Variants in SYNE2 observed in about 807,000 individuals in gnomAD.
SYNE2 encodes spectrin repeat containing nuclear envelope protein 2.
A neutral mutation model predicts 856.3 loss-of-function variants in SYNE2; 431 were observed. The observed-to-expected ratio is 0.50, with a 90% CI of 0.47 to 0.55. The LOEUF is 0.55. Among genes scored for constraint, SYNE2 ranks in the 20% least tolerant of loss-of-function variants. The pLI is 0.00. For synonymous variants in SYNE2, 2,923 were observed against 2,872.3 expected (o/e 1.02, Z -0.56); for missense variants, 8,129 against 8,023.2 (o/e 1.01, Z -0.50).
chr14:63,894,290 G>A (rs2095205890), intron 1 of SYNE2, among the ~76,000 whole-genome samples: 3 of 151,090 alleles, frequency 2.0e-5, no homozygotes, highest in African/African-American at 7.3e-5. Context: ...ATAGCTCACT[G>A]CAGCCCTAAT....
At chr14:64,043,541 T>G (rs2153565559) in intron 45 of SYNE2, among the ~76,000 whole-genome samples, 1 of 152,078 alleles carries the variant, frequency 6.6e-6, no homozygotes, top group Non-Finnish European at 1.5e-5. Context: ...AGAGTCCTTT[T>G]GCTGTGTACA....
In SYNE2 at chr14:64,141,392, A is replaced by G. The variant is rs754937863; in HGVS notation, c.15028A>G (p.Ser5010Gly). The G allele has an allele frequency of 3.4e-5, 55 of 1,614,144 alleles. No homozygotes were observed. The highest frequency in any genetic ancestry group is 4.3e-5 in the Non-Finnish European group (51 of 1,179,990). Residue 5010 changes from serine to glycine, a missense_variant, in exon 81 of 116, where the codon AGT becomes GGT. Physicochemically the swap from Ser to Gly is moderately conservative, Grantham distance 56. This residue lies in a region of SYNE2 where 5,410 missense variants were observed against 5,284.8 expected (regional missense o/e 1.02). Coordinates refer to ENST00000555002, the MANE Select transcript of SYNE2 (RefSeq NM_182914.3). ...EKSSLKTAVI[S>G]IGNQLLHLKE... ...ATCCTCCTTGAAGACTGCCGTTATC[A>G]GTATCGGGAACCAGCTTCTTCACCT...
chr14:63,974,851 C>CGTGTGTGTGTGT (rs1566949091), intron 11 of SYNE2, among the ~76,000 whole-genome samples: 1 of 52,824 alleles, frequency 1.9e-5, no homozygotes, highest in East Asian at 6.1e-4. Flanking sequence ...TGTGTGTGTA[C>CGTGTGTGTGTGT]ATGTGTGTGT....
At chr14:63,978,744 G>T (rs753291945) in intron 13 of SYNE2, 108 bp from the exon 14 acceptor site, 159 of 910,880 alleles carry the variant, frequency 1.7e-4, no homozygotes, top group Non-Finnish European at 1.9e-4. Flanking sequence ...AGTTCCATGT[G>T]CTTAAAAGAA....
At chr14:63,916,956 A>G (rs531566054) in intron 2 of SYNE2, among the ~76,000 whole-genome samples, 1 of 152,062 alleles carries the variant, frequency 6.6e-6, no homozygotes, top group African/African-American at 2.4e-5. Context: ...TGGGCATGGC[A>G]ACATTCCCCT....
In SYNE2 at chr14:64,106,135, C is replaced by G. The variant is rs1035264833; in HGVS notation, c.12493-1356C>G. Among the ~76,000 whole-genome samples, 126 of 142,442 alleles carry G rather than the reference C, an allele frequency of 8.8e-4. 1 individual carries two copies. Among genetic ancestry groups the G allele is most frequent in the East Asian group, 8.1e-3 (38 of 4,692 alleles). 93.4% of individuals were successfully genotyped at this position (142,442 alleles called of 152,430 possible). On this transcript the variant is annotated intron_variant, in intron 64 of 115. Transcript: ENST00000555002. ...ATACATGGAATTGCATTTCCAGACC[C>G]CCCCCCCCAACCAACACACAAGCTG...
chr14:63,870,477 C>T (rs1035850138), intron 1 of SYNE2, among the ~76,000 whole-genome samples: 16 of 130,970 alleles, frequency 1.2e-4, no homozygotes, highest in Non-Finnish European at 3.2e-5. Context: ...TGATTCATTT[C>T]TGACTGTCCC....
intron 94 of SYNE2, among the ~76,000 whole-genome samples, chr14:64,171,357 G>A (rs992761187): frequency 1.3e-5 from 2 of 152,212 alleles, no homozygotes; most frequent in African/African-American, 4.8e-5. Context: ...GTATTCTGTG[G>A]ATGGAGAGAA....
At chr14:64,017,351 AAAG>A (rs1470353211) in intron 33 of SYNE2, among the ~76,000 whole-genome samples, 4 of 150,946 alleles carry the variant, frequency 2.6e-5, no homozygotes, top group Non-Finnish European at 5.9e-5. Context: ...AAAAAAAAAA[AAAG>A]AAATTAGGAA....
intron 45 of SYNE2, among the ~76,000 whole-genome samples, chr14:64,038,514 G>C (rs1359290647): frequency 2.0e-5 from 3 of 152,206 alleles, no homozygotes; most frequent in Non-Finnish European, 2.9e-5. Flanking sequence ...AGGTTGTAGC[G>C]AGCCGAGATC....
At chr14:63,991,775 T>G (rs2096668439) in intron 21 of SYNE2, among the ~76,000 whole-genome samples, 1 of 152,126 alleles carries the variant, frequency 6.6e-6, no homozygotes, top group Non-Finnish European at 1.5e-5. Context: ...GAGTAATACT[T>G]TTTTTCATTC....
intron 1 of SYNE2, among the ~76,000 whole-genome samples, chr14:63,886,199 A>G (rs1305197472): frequency 6.6e-6 from 1 of 152,236 alleles, no homozygotes; most frequent in Admixed American, 6.5e-5. Flanking sequence ...AAAAACATAC[A>G]TACAGGGAAA....
intron 57 of SYNE2, chr14:64,084,758 A>G (rs1034549811): frequency 2.0e-6 from 1 of 510,998 alleles, no homozygotes; most frequent in Non-Finnish European, 3.5e-6. Context: ...CAAACTTATT[A>G]TCACAGTTTC....
At chr14:64,038,703 C>G (rs184870144) in intron 45 of SYNE2, among the ~76,000 whole-genome samples, 1 of 152,242 alleles carries the variant, frequency 6.6e-6, no homozygotes, top group Non-Finnish European at 1.5e-5. Flanking sequence ...ACCAGTCAGG[C>G]GTGGCGGCGG....
At chr14:63,832,866 C>CA (rs36099684) in intron 1 of SYNE2, among the ~76,000 whole-genome samples, 27,339 of 64,450 alleles carry the variant, frequency 0.42, 6,203 homozygotes, top group Non-Finnish European at 0.5. Flanking sequence ...CTGTCTCTAC[C>CA]AAAAAAAAAA....
At position 64,052,309 on chromosome 14, in the gene SYNE2, A is replaced by G. The variant is rs746381574; in HGVS notation, c.8396A>G (p.Tyr2799Cys). Residue 2799 changes from tyrosine (Y) to cysteine (C), a missense_variant, in exon 48 of 116, where the codon TAT becomes TGT. By Grantham distance (194) the Tyr-to-Cys change is radical. This residue lies in a region of SYNE2 where 5,410 missense variants were observed against 5,284.8 expected (regional missense o/e 1.02). Transcript: ENST00000555002. ...GATAAGGTTCCTAGCCTTACAACCTATGAGGGCAGTGATTTAAATAATACC... is the reference window on the plus strand; with the variant it reads ...GATAAGGTTCCTAGCCTTACAACCTGTGAGGGCAGTGATTTAAATAATACC... The part of the protein sequence containing the change: ...VKDKVPSLTT[Y>C]EGSDLNNTLE... The G allele has an allele frequency of 3.1e-5, 50 of 1,614,092 alleles. No homozygotes were observed. The East Asian group carries it at 1.1e-3, about 35-fold the overall frequency.
At position 63,976,685 on chromosome 14, in the gene SYNE2, T is replaced by C. The variant is rs2096545930; in HGVS notation, c.1251T>C (p.Ser417=). The C allele has an allele frequency of 1.2e-6, 2 of 1,613,300 alleles. No individual in the cohort carries two copies. The highest frequency in any genetic ancestry group is 2.7e-5 in the African/African-American group (2 of 74,666). ...ATTTGTCAGCCTCCCAGGATCACTC[T>C]CAAGCCGTGACTCTGATACAAGAGA... ...DEDLSASQDH[S]QAVTLIQEKM... The change falls in exon 12 of 116, where the codon TCT becomes TCC. Residue 417 remains serine, a synonymous_variant. Coordinates refer to ENST00000555002, the MANE Select transcript of SYNE2 (RefSeq NM_182914.3).
chr14:64,128,393 TA>T (rs1567387350), intron 73 of SYNE2, 58 bp from the exon 74 acceptor site: 12 of 910,768 alleles, frequency 1.3e-5, no homozygotes, highest in Admixed American at 1.9e-5. Flanking sequence ...CAACTAAATA[TA>T]AAAAAAGATA....
chr14:63,880,298 G>T (rs773012259), intron 1 of SYNE2, among the ~76,000 whole-genome samples: 1 of 152,092 alleles, frequency 6.6e-6, no homozygotes, highest in Non-Finnish European at 1.5e-5. Flanking sequence ...CGCCATGTTG[G>T]CCAGGGTGGT....
Sources: gnomAD v4.1 joint callset for allele counts (sites outside exome capture counted in the v4.1 genomes callset) on GRCh38, gnomAD v4.1.1 for gene constraint, gnomAD v4.1.1 regional missense constraint, MANE v1.5 for transcripts, NCBI Gene and HGNC (gene_info 2026-07-23, HGNC 2026-07-21) for gene names.